UBXN4: variants seen among roughly 807,000 people sequenced by gnomAD.
UBXN4 encodes the protein UBX domain-containing protein 4.
Under a neutral mutation model 66.2 loss-of-function variants are expected in UBXN4, and 35 were observed. That is an observed-to-expected ratio of 0.53 (90% CI 0.40 to 0.70). The LOEUF is 0.70. UBXN4 is among the 30% of genes least tolerant of loss of function. The probability of loss-of-function intolerance (pLI) is 0.00; values close to 1 mark genes in which losing one functional copy is unlikely to be tolerated. For synonymous variants in UBXN4, 203 were observed against 204.5 expected, an observed-to-expected ratio of 0.99 and a Z score of 0.06; for missense variants, 533 against 599.8, an observed-to-expected ratio of 0.89 and a Z score of 1.16.
intron 9 of UBXN4, among the ~76,000 whole-genome samples, chr2:135,774,342 G>A (rs573163734): frequency 1.3e-5 from 2 of 152,030 alleles, no homozygotes; most frequent in African/African-American, 2.4e-5. Flanking sequence ...CTCACACCAT[G>A]TACAAAATTA....
rs59946844 is a variant in UBXN4, at chr2:135,745,875, C to CTTTTTTTTTTTTTTTTTTT, written c.83-2389_83-2371dup. Among the ~76,000 whole-genome samples, 15 of 74,406 alleles carry CTTTTTTTTTTTTTTTTTTT rather than the reference C, an allele frequency of 2.0e-4. 4 individuals are homozygous for CTTTTTTTTTTTTTTTTTTT. Among genetic ancestry groups the CTTTTTTTTTTTTTTTTTTT allele is most frequent in the South Asian group, 1.2e-3 (2 of 1,654 alleles). The allele number at this position is 74,406 out of a possible 152,430, so 48.8% of individuals were successfully genotyped here. A position where few individuals can be genotyped will look rare whatever the true frequency, so the allele number is the denominator to read the frequency against. On this transcript the variant is annotated intron_variant, in intron 1 of 12. Transcript: ENST00000272638. ...TGTGGATGCATTCTAGTCCCGTTTA[C>CTTTTTTTTTTTTTTTTTTT]TTTTTTTTTTTTTTTTTTTTTGAGA...
At chr2:135,748,232 C>G in intron 1 of UBXN4, 35 bp from the exon 2 acceptor site, 1 of 1,492,890 alleles carries the variant, frequency 6.7e-7, no homozygotes, top group Non-Finnish European at 9.0e-7. Context: ...CAGCAGATCC[C>G]AGCCTGGTAT....
chr2:135,777,437 C>T (rs1268371762), intron 10 of UBXN4, among the ~76,000 whole-genome samples: 2 of 152,164 alleles, frequency 1.3e-5, no homozygotes, highest in African/African-American at 4.8e-5. Context: ...AACTGTTTCC[C>T]CCTAAGCTTT....
chr2:135,758,194 C>T (rs2077290502), intron 5 of UBXN4, among the ~76,000 whole-genome samples: 1 of 152,016 alleles, frequency 6.6e-6, no homozygotes, highest in South Asian at 2.1e-4. Context: ...CCTGCCTCAG[C>T]CTGCTGAGTA....
intron 5 of UBXN4, among the ~76,000 whole-genome samples, chr2:135,756,507 G>A (rs919665988): frequency 5.3e-5 from 8 of 152,154 alleles, no homozygotes; most frequent in African/African-American, 1.9e-4. Context: ...ACACATGACA[G>A]GTTTTGAATA....
intron 8 of UBXN4, 69 bp from the exon 9 acceptor site, chr2:135,772,351 T>G: frequency 6.4e-7 from 1 of 1,559,062 alleles, no homozygotes; most frequent in African/African-American, 1.4e-5. Flanking sequence ...TCCATGCATA[T>G]TTGTTTGGAA....
chr2:135,759,498 T>C (rs1401871567), intron 5 of UBXN4, among the ~76,000 whole-genome samples: 1 of 152,208 alleles, frequency 6.6e-6, no homozygotes, highest in African/African-American at 2.4e-5. Flanking sequence ...TGGATTTTAC[T>C]GCATCCCCAT....
intron 2 of UBXN4, among the ~76,000 whole-genome samples, chr2:135,752,148 T>C (rs1204145997): frequency 6.6e-6 from 1 of 152,002 alleles, no homozygotes; most frequent in Non-Finnish European, 1.5e-5. Flanking sequence ...CCTGGGTTCA[T>C]GCAGTTCTCC....
chr2:135,750,174 A>G (rs572888969), intron 2 of UBXN4, among the ~76,000 whole-genome samples: 13 of 152,218 alleles, frequency 8.5e-5, no homozygotes, highest in African/African-American at 3.1e-4. Flanking sequence ...GGATTTCACT[A>G]TGTTGCCCAG....
In UBXN4 at chr2:135,755,672, A is replaced by G; in HGVS notation, c.489A>G (p.Thr163=). Reference sequence around the variant, plus strand: ...GTGAGATACCACCCACTTCTGATACAAAGTCAGATACTGCAACAGGTAACT... The same window carrying G: ...GTGAGATACCACCCACTTCTGATACGAAGTCAGATACTGCAACAGGTAACT... The part of the protein sequence containing the change: ...ELCEIPPTSD[T]KSDTATGGES... Residue 163 remains threonine (T), a synonymous_variant, in exon 5 of 13, where the codon ACA becomes ACG. Coordinates refer to ENST00000272638, the MANE Select transcript of UBXN4 (RefSeq NM_014607.4). 6.4e-7 allele frequency: 1 copy of G among 1,561,622 alleles called. No individual in the cohort carries two copies. The highest frequency in any genetic ancestry group is 1.8e-5 in the Admixed American group (1 of 55,184).
chr2:135,748,550 T>G (rs1393922090), intron 2 of UBXN4, among the ~76,000 whole-genome samples, 181 bp downstream of exon 2: 2 of 151,248 alleles, frequency 1.3e-5, no homozygotes, highest in African/African-American at 4.9e-5. Flanking sequence ...GGCAACATAG[T>G]GAGACCCTGT....
chr2:135,757,402 G>A (rs546618151), intron 5 of UBXN4, among the ~76,000 whole-genome samples: 2 of 152,264 alleles, frequency 1.3e-5, no homozygotes, highest in Admixed American at 6.5e-5. Flanking sequence ...AGTTACAGAA[G>A]TTGTGCAGAA....
chr2:135,769,774 CAAA>C lies in UBXN4; in HGVS notation c.613_615del (p.Lys205del), dbSNP rs1214120563. On this transcript the variant is annotated inframe_deletion, in exon 7 of 13. Coordinates refer to ENST00000272638, the MANE Select transcript of UBXN4 (RefSeq NM_014607.4). ...TTTTTTTTTTTTTAATACAGACTAACAAAAAAACTTGAAGAAAGGAGAGAAGAG... is the reference window on the plus strand; with the variant it reads ...TTTTTTTTTTTTTAATACAGACTAACAAAACTTGAAGAAAGGAGAGAAGAG... 5.2e-6 allele frequency: 8 copies of C among 1,533,878 alleles called. No individual in the cohort carries two copies. The highest frequency in any genetic ancestry group is 7.0e-6 in the Non-Finnish European group (8 of 1,140,512).
chr2:135,766,174 G>A lies in UBXN4; in HGVS notation c.603-3595G>A, dbSNP rs544869312. Among the ~76,000 whole-genome samples the A allele has an allele frequency of 1.3e-4, 20 of 150,690 alleles. No individual in the cohort carries two copies. The East Asian group carries it at 3.1e-3, about 23-fold the overall frequency. On this transcript the variant is annotated intron_variant, in intron 6 of 12. Transcript: ENST00000272638. ...ATCTCAAAAAAAAAAAAAAGTCGAA[G>A]CCCAAATGTAGAAGTTATGGAACAG...
At chr2:135,763,561 A>T (rs1424336893) in intron 6 of UBXN4, among the ~76,000 whole-genome samples, 1 of 152,264 alleles carries the variant, frequency 6.6e-6, no homozygotes, top group Non-Finnish European at 1.5e-5. Context: ...GTGGTGGCTC[A>T]CGCCTGTAAT....
chr2:135,749,405 C>T (rs183738533), intron 2 of UBXN4, among the ~76,000 whole-genome samples: 125 of 152,266 alleles, frequency 8.2e-4, no homozygotes, highest in African/African-American at 2.9e-3. Flanking sequence ...TCCTCCTCCC[C>T]ATCTTTTAAA....
intron 9 of UBXN4, among the ~76,000 whole-genome samples, chr2:135,775,972 T>C (rs1018678609): frequency 2.0e-5 from 3 of 152,212 alleles, no homozygotes; most frequent in Non-Finnish European, 2.9e-5. Context: ...TTTCACCACG[T>C]TGGCCCGGCT....
chr2:135,779,003 A>G lies in UBXN4; in HGVS notation c.1109A>G (p.Glu370Gly). 6.2e-7 allele frequency: 1 copy of G among 1,613,740 alleles called. No homozygotes were observed. Among genetic ancestry groups the G allele is most frequent in the South Asian group, 1.1e-5 (1 of 90,958 alleles). Residue 370 changes from glutamate to glycine, a missense_variant, in exon 11 of 13, where the codon GAA becomes GGA. By Grantham distance (98) the Glu-to-Gly change is moderately conservative. Around this residue, in one of 2 missense-constraint regions of UBXN4, gnomAD observed 529 missense variants for 580.1 expected, o/e 0.91. Transcript: ENST00000272638. ...FSLATMFPRR[E>G]FTKEDYKKKL... is the part of the protein sequence containing the mutation. ...TTAGCAACCATGTTTCCCAGGAGGG[A>G]ATTTACCAAAGAAGATTATAAAAAG...
At chr2:135,759,828 G>A (rs923105799) in intron 5 of UBXN4, among the ~76,000 whole-genome samples, 1 of 135,804 alleles carries the variant, frequency 7.4e-6, no homozygotes, top group African/African-American at 2.8e-5. Context: ...GAGTGCAGTG[G>A]CGCTATCTTG....
Sources: allele counts gnomAD v4.1 joint callset (sites outside exome capture counted in the v4.1 genomes callset), GRCh38; gene constraint gnomAD v4.1.1; regional missense constraint gnomAD v4.1.1; transcripts MANE v1.5; gene names NCBI Gene and HGNC (gene_info 2026-07-23, HGNC 2026-07-21).